The following METTL16 variants were observed in gnomAD, a reference collection of about 807,000 sequenced individuals.
The protein encoded by METTL16 is methyltransferase 16, RNA N6-adenosine.
METTL16 carries 19 observed loss-of-function variants against 57.9 expected under a neutral mutation model. The observed-to-expected ratio is 0.33, with a 90% CI of 0.23 to 0.48. The LOEUF (loss-of-function observed/expected upper bound fraction) is 0.48, where lower values mean the gene tolerates loss of function less well. Ranked by LOEUF, METTL16 falls within the 20% of genes least tolerant of loss-of-function variation. The probability of loss-of-function intolerance (pLI) is 0.99; values close to 1 mark genes in which losing one functional copy is unlikely to be tolerated. For missense variants in METTL16, 434 were observed against 691.5 expected, an observed-to-expected ratio of 0.63 and a Z score of 4.18; for synonymous variants, 246 against 255.6, an observed-to-expected ratio of 0.96 and a Z score of 0.36.
chr17:2,495,325 T>G (rs1002735056), intron 2 of METTL16, among the ~76,000 whole-genome samples: 1 of 152,020 alleles, frequency 6.6e-6, no homozygotes, highest in African/African-American at 2.4e-5. Flanking sequence ...AGTGAGACCC[T>G]GTCTCAAAAA....
At chr17:2,442,358 G>C (rs1044501235) in intron 6 of METTL16, among the ~76,000 whole-genome samples, 17 of 152,200 alleles carry the variant, frequency 1.1e-4, no homozygotes, top group African/African-American at 4.1e-4. Flanking sequence ...CTGCAGTACA[G>C]GGAAAAGAAA....
intron 2 of METTL16, among the ~76,000 whole-genome samples, chr17:2,482,211 T>C (rs1286641416): frequency 6.6e-6 from 1 of 152,210 alleles, no homozygotes; most frequent in African/African-American, 2.4e-5. Flanking sequence ...ACATTGACAA[T>C]AGGTTCTTTG....
intron 6 of METTL16, among the ~76,000 whole-genome samples, chr17:2,461,015 A>G (rs1290640787): frequency 6.6e-6 from 1 of 152,114 alleles, no homozygotes; most frequent in East Asian, 1.9e-4. Context: ...TGCTCAGTAT[A>G]ATTTTAGTCT....
At chr17:2,422,984 AAAC>A (rs948469833) in intron 8 of METTL16, among the ~76,000 whole-genome samples, 11 of 152,278 alleles carry the variant, frequency 7.2e-5, no homozygotes, top group Admixed American at 6.5e-5. Context: ...TGTGTCTCAA[AAAC>A]AACAACAACA....
intron 2 of METTL16, among the ~76,000 whole-genome samples, chr17:2,482,092 T>C (rs928893872): frequency 2.0e-5 from 3 of 152,212 alleles, no homozygotes; most frequent in African/African-American, 7.2e-5. Flanking sequence ...ATTTTGAGTA[T>C]ACAGGAACTC....
intron 8 of METTL16, among the ~76,000 whole-genome samples, chr17:2,434,366 C>G (rs1433721310): frequency 1.3e-5 from 2 of 152,108 alleles, no homozygotes; most frequent in Non-Finnish European, 2.9e-5. Context: ...AGGTGTGCAC[C>G]ACCACGCCCA....
At chr17:2,487,004 A>C (rs987296478) in intron 2 of METTL16, among the ~76,000 whole-genome samples, 4 of 25,094 alleles carry the variant, frequency 1.6e-4, no homozygotes, top group Non-Finnish European at 4.9e-4. Flanking sequence ...ATCCTGTCTC[A>C]AAAAAAAAAA....
In METTL16 at chr17:2,491,670, T is replaced by C. The variant is rs370789159; in HGVS notation, c.128+10534A>G. Among the ~76,000 whole-genome samples the C allele has an allele frequency of 2.6e-4, 40 of 151,314 alleles. No individual in the cohort carries two copies. In the East Asian group the frequency reaches 4.1e-3, roughly 15 times the overall value. On this transcript the variant is annotated intron_variant, in intron 2 of 9. Coordinates refer to ENST00000263092, the MANE Select transcript of METTL16 (RefSeq NM_024086.4). ...GCGGGTGAATCACGAGGTCAGGAGATGGAGACCATCCTGGCTAACACGGTG... is the reference window on the plus strand; with the variant it reads ...GCGGGTGAATCACGAGGTCAGGAGACGGAGACCATCCTGGCTAACACGGTG...
intron 6 of METTL16, among the ~76,000 whole-genome samples, chr17:2,447,799 A>G (rs1486502934): frequency 1.8e-4 from 12 of 66,692 alleles, no homozygotes; most frequent in South Asian, 1.2e-3. Flanking sequence ...TCCGGGAGGG[A>G]GGTGGGGGGG....
At chr17:2,422,507 G>A (rs2151683342) in intron 8 of METTL16, among the ~76,000 whole-genome samples, 1 of 151,942 alleles carries the variant, frequency 6.6e-6, no homozygotes, top group East Asian at 2.0e-4. Flanking sequence ...AGCCTCCCAA[G>A]TACCTGGGAC....
At chr17:2,491,682 T>C (rs571191124) in intron 2 of METTL16, among the ~76,000 whole-genome samples, 18 of 151,508 alleles carry the variant, frequency 1.2e-4, no homozygotes, top group Non-Finnish European at 1.8e-4. Flanking sequence ...GAGACCATCC[T>C]GGCTAACACG....
intron 2 of METTL16, among the ~76,000 whole-genome samples, chr17:2,483,467 AG>A (rs1597464426): frequency 1.3e-5 from 2 of 152,232 alleles, no homozygotes; most frequent in East Asian, 3.8e-4. Flanking sequence ...AGCAATTAAA[AG>A]TCTCATTAAA....
intron 2 of METTL16, among the ~76,000 whole-genome samples, chr17:2,489,115 T>TC (rs1555620654): frequency 2.0e-5 from 3 of 151,318 alleles, no homozygotes; most frequent in East Asian, 3.9e-4. Context: ...TTCATTCTTT[T>TC]TTTTTTATTT....
At chr17:2,468,018 C>T (rs1359115698) in intron 4 of METTL16, 142 bp from the exon 5 acceptor site, 4 of 625,958 alleles carry the variant, frequency 6.4e-6, no homozygotes, top group Non-Finnish European at 1.1e-5. Context: ...TTTTACTGTA[C>T]CTTTTCTATG....
intron 2 of METTL16, among the ~76,000 whole-genome samples, chr17:2,500,289 T>G (rs2067477964): frequency 6.6e-6 from 1 of 152,064 alleles, no homozygotes; most frequent in African/African-American, 2.4e-5. Context: ...TTTTTCTTTT[T>G]TTTTTGAGAT....
intron 2 of METTL16, among the ~76,000 whole-genome samples, chr17:2,490,055 T>C (rs923806763): frequency 6.6e-6 from 1 of 152,196 alleles, no homozygotes. Context: ...GAAGTATATA[T>C]GTACATTCTG....
chr17:2,491,241 A>G (rs1235380390), intron 2 of METTL16, among the ~76,000 whole-genome samples: 1 of 152,208 alleles, frequency 6.6e-6, no homozygotes, highest in African/African-American at 2.4e-5. Flanking sequence ...ATTCATTTTC[A>G]GTCTTTGTTG....
At chr17:2,423,304 T>TGTGTGTGTGTGTGTG (rs1597435184) in intron 8 of METTL16, among the ~76,000 whole-genome samples, 1 of 89,010 alleles carries the variant, frequency 1.1e-5, no homozygotes, top group East Asian at 4.7e-4. Flanking sequence ...GTGTGTGTGT[T>TGTGTGTGTGTGTGTG]TGAAGAACCT....
chr17:2,424,112 A>T (rs202100470), intron 8 of METTL16: 18 of 14,996 alleles, frequency 1.2e-3, no homozygotes, highest in African/African-American at 4.7e-3. Flanking sequence ...ATTTTATTTT[A>T]TTATTTTATT....
Sources: gnomAD v4.1 joint callset for allele counts (sites outside exome capture counted in the v4.1 genomes callset) on GRCh38, gnomAD v4.1.1 for gene constraint, MANE v1.5 for transcripts, NCBI Gene and HGNC (gene_info 2026-07-23, HGNC 2026-07-21) for gene names.